ITCH: variants seen among roughly 807,000 people sequenced by gnomAD.
The protein encoded by ITCH is itchy E3 ubiquitin protein ligase.
A neutral mutation model predicts 126.8 loss-of-function variants in ITCH; 28 were observed. The observed-to-expected ratio is 0.22, with a 90% confidence interval of 0.16 to 0.30. ITCH has a LOEUF of 0.30. Among genes scored for constraint, ITCH ranks in the 10% least tolerant of loss-of-function variants. ITCH has a pLI of 1.00. For missense variants in ITCH, 631 were observed against 1,032.4 expected, an observed-to-expected ratio of 0.61 and a Z score of 5.33; for synonymous variants, 342 against 340.0, an observed-to-expected ratio of 1.01 and a Z score of -0.06.
chr20:34,387,704 A>ATTTTTTTTTTT (rs11477181), intron 2 of ITCH, among the ~76,000 whole-genome samples: 1 of 148,874 alleles, frequency 6.7e-6, no homozygotes, highest in Non-Finnish European at 1.5e-5. Context: ...TTGTTACTAG[A>ATTTTTTTTTTT]TTTTTTTTTT....
At chr20:34,426,150 A>G (rs1981486883) in intron 7 of ITCH, among the ~76,000 whole-genome samples, 1 of 152,248 alleles carries the variant, frequency 6.6e-6, no homozygotes, top group South Asian at 2.1e-4. Flanking sequence ...AGTGATTATA[A>G]AATTCCATTT....
chr20:34,500,702 G>A (rs1201435054), intron 23 of ITCH, among the ~76,000 whole-genome samples: 1 of 152,114 alleles, frequency 6.6e-6, no homozygotes, highest in Non-Finnish European at 1.5e-5. Context: ...ACTTACTCCT[G>A]TCATTTTTAA....
chr20:34,387,880 T>A (rs1358991591), intron 2 of ITCH, among the ~76,000 whole-genome samples: 1 of 151,978 alleles, frequency 6.6e-6, no homozygotes, highest in Admixed American at 6.6e-5. Flanking sequence ...GATTTTTGAA[T>A]TTTTAGTGGA....
intron 12 of ITCH, among the ~76,000 whole-genome samples, chr20:34,452,327 T>C (rs1252262959): frequency 1.3e-5 from 2 of 152,234 alleles, no homozygotes; most frequent in Non-Finnish European, 2.9e-5. Context: ...AACACTTTGC[T>C]AAAATACTGT....
chr20:34,418,756 C>CTT (rs1980315718), intron 6 of ITCH, among the ~76,000 whole-genome samples: 6 of 119,066 alleles, frequency 5.0e-5, no homozygotes, highest in African/African-American at 1.7e-4. Context: ...TTCTTTTTTT[C>CTT]CTTTTTTTTT....
chr20:34,432,299 A>G (rs577453606), intron 7 of ITCH, among the ~76,000 whole-genome samples: 34 of 152,306 alleles, frequency 2.2e-4, no homozygotes, highest in Admixed American at 9.8e-4. Context: ...AAATTTAGCT[A>G]TATAGAAATA....
At chr20:34,495,316 T>TATACACAC (rs796826383) in intron 23 of ITCH, among the ~76,000 whole-genome samples, 8 of 132,264 alleles carry the variant, frequency 6.0e-5, no homozygotes, top group Admixed American at 1.5e-4. Context: ...TATATATATA[T>TATACACAC]ACACACGCAC....
intron 13 of ITCH, among the ~76,000 whole-genome samples, chr20:34,459,013 G>A (rs1175982908): frequency 1.3e-5 from 2 of 152,102 alleles, no homozygotes; most frequent in East Asian, 3.8e-4. Flanking sequence ...CTGTACAGTC[G>A]GAGGGCACAG....
chr20:34,400,169 C>T (rs932723635), intron 3 of ITCH, among the ~76,000 whole-genome samples: 3 of 152,006 alleles, frequency 2.0e-5, no homozygotes, highest in African/African-American at 7.2e-5. Context: ...GATCTCCTGA[C>T]CTTGTGATCT....
At chr20:34,420,777 C>T (rs1258637877) in intron 6 of ITCH, among the ~76,000 whole-genome samples, 3 of 151,982 alleles carry the variant, frequency 2.0e-5, no homozygotes, top group Non-Finnish European at 1.5e-5. Flanking sequence ...TTTTCATTTG[C>T]GTTTGTTCTT....
chr20:34,385,930 A>G (rs2038266684), intron 2 of ITCH, among the ~76,000 whole-genome samples: 1 of 152,114 alleles, frequency 6.6e-6, no homozygotes, highest in African/African-American at 2.4e-5. Context: ...GTAAATGGGA[A>G]AGCAACCGCC....
intron 1 of ITCH, among the ~76,000 whole-genome samples, chr20:34,368,134 G>A (rs1203989482): frequency 1.3e-5 from 2 of 152,112 alleles, no homozygotes; most frequent in African/African-American, 2.4e-5. Context: ...GCTGGGTGTG[G>A]TGGCATGCAC....
intron 3 of ITCH, 47 bp from the exon 4 acceptor site, chr20:34,408,604 G>T: frequency 1.3e-6 from 2 of 1,516,886 alleles, no homozygotes; most frequent in South Asian, 2.3e-5. Flanking sequence ...TTTCATGAGT[G>T]AATTAACATC....
At chr20:34,447,617 G>A (rs963343560) in intron 11 of ITCH, among the ~76,000 whole-genome samples, 1 of 152,120 alleles carries the variant, frequency 6.6e-6, no homozygotes, top group Non-Finnish European at 1.5e-5. Flanking sequence ...AGAGCCAGTG[G>A]GGTTGGCTTC....
rs563254654 is a variant in ITCH, at chr20:34,411,806, T to A, written c.213-709T>A. ...CCTTGACTCTAACATTGATTCTACGTGTATTGCAAATTCAAATTTCCCAGT... is the reference window on the plus strand; with the variant it reads ...CCTTGACTCTAACATTGATTCTACGAGTATTGCAAATTCAAATTTCCCAGT... On this transcript the variant is annotated intron_variant, in intron 4 of 24. Transcript: ENST00000374864. Among the ~76,000 whole-genome samples the A allele has an allele frequency of 2.0e-5, 3 of 152,332 alleles. No homozygotes were observed. In the South Asian group the frequency reaches 6.2e-4, roughly 32 times the overall value.
intron 12 of ITCH, among the ~76,000 whole-genome samples, chr20:34,456,755 T>G (rs1044801443): frequency 6.6e-6 from 1 of 151,484 alleles, no homozygotes; most frequent in Non-Finnish European, 1.5e-5. Context: ...AATTTTTTTG[T>G]ATTTTTTGTA....
At position 34,434,015 on chromosome 20, in the gene ITCH, C is replaced by G. The variant is rs893557774; in HGVS notation, c.522-4459C>G. Among the ~76,000 whole-genome samples the G allele has an allele frequency of 5.9e-5, 9 of 152,068 alleles. No homozygotes were observed. In the East Asian group the frequency reaches 1.3e-3, roughly 23 times the overall value. On this transcript the variant is annotated intron_variant, in intron 7 of 24. Coordinates refer to ENST00000374864, the MANE Select transcript of ITCH (RefSeq NM_031483.7). ...TGGGGGCTAGGCGCAGTGGCTCATG[C>G]CTATAATCACAGCACTTTGGGAGGC...
chr20:34,475,403 G>A (rs1269183912), intron 16 of ITCH, among the ~76,000 whole-genome samples: 2 of 152,216 alleles, frequency 1.3e-5, no homozygotes, highest in African/African-American at 2.4e-5. Context: ...CTGCAATCCC[G>A]GCACCTCGGG....
At chr20:34,406,502 C>G (rs932657475) in intron 3 of ITCH, among the ~76,000 whole-genome samples, 1 of 151,812 alleles carries the variant, frequency 6.6e-6, no homozygotes, top group African/African-American at 2.4e-5. Context: ...GCTTAGATAT[C>G]CAGACTTTGG....
Sources: gnomAD v4.1 joint callset for allele counts (sites outside exome capture counted in the v4.1 genomes callset) on GRCh38, gnomAD v4.1.1 for gene constraint, MANE v1.5 for transcripts, NCBI Gene and HGNC (gene_info 2026-07-23, HGNC 2026-07-21) for gene names.